SDCCAG8: variants seen among roughly 807,000 people sequenced by gnomAD.
The protein encoded by SDCCAG8 is serologically defined colon cancer antigen 8.
SDCCAG8 carries 74 observed loss-of-function variants against 101.8 expected under a neutral mutation model. The ratio of observed to expected loss-of-function variants is 0.73; its 90% CI spans 0.60 to 0.88. The LOEUF is 0.88. Among genes scored for constraint, SDCCAG8 ranks in the 40% least tolerant of loss-of-function variants. The probability of loss-of-function intolerance (pLI) is 0.00; values close to 1 mark genes in which losing one functional copy is unlikely to be tolerated. For missense variants in SDCCAG8, 787 were observed against 822.6 expected, an observed-to-expected ratio of 0.96 and a Z score of 0.53; for synonymous variants, 281 against 292.9, an observed-to-expected ratio of 0.96 and a Z score of 0.41.
chr1:243,332,766 G>T lies in SDCCAG8; in HGVS notation c.1221+2074G>T, dbSNP rs905485386. Among the ~76,000 whole-genome samples the T allele has an allele frequency of 4.0e-5, 6 of 151,632 alleles. No individual in the cohort carries two copies. In the South Asian group the frequency reaches 1.0e-3, roughly 26 times the overall value. On this transcript the variant is annotated intron_variant, in intron 10 of 17. Coordinates refer to ENST00000366541, the MANE Select transcript of SDCCAG8 (RefSeq NM_006642.5). The stretch of plus-strand genomic sequence containing the variant: ...TCTGGAGGTGATTATTGTGGTCCGG[G>T]TCTGGAGGTGATTATCGTGGTCCCG...
intron 8 of SDCCAG8, among the ~76,000 whole-genome samples, chr1:243,311,613 G>C (rs1172515345): frequency 6.6e-6 from 1 of 151,940 alleles, no homozygotes; most frequent in South Asian, 2.1e-4. Flanking sequence ...TTAAAACTAG[G>C]TAGTCTAGCA....
chr1:243,299,264 T>C (rs1262474137), intron 6 of SDCCAG8, among the ~76,000 whole-genome samples: 1 of 152,240 alleles, frequency 6.6e-6, no homozygotes, highest in Non-Finnish European at 1.5e-5. Context: ...TCAATGTCAC[T>C]TTCTTTTGAT....
intron 13 of SDCCAG8, among the ~76,000 whole-genome samples, chr1:243,380,479 G>A (rs902312237): frequency 1.3e-5 from 2 of 152,058 alleles, no homozygotes; most frequent in Non-Finnish European, 2.9e-5. Context: ...TGCCCCTTTT[G>A]CCATTCTGTC....
At chr1:243,410,779 C>T (rs771521462) in intron 13 of SDCCAG8, among the ~76,000 whole-genome samples, 15 of 152,038 alleles carry the variant, frequency 9.9e-5, no homozygotes, top group Non-Finnish European at 2.2e-4. Flanking sequence ...AAATAATAAA[C>T]GATATGAAAA....
At chr1:243,397,957 C>G (rs2079129053) in intron 13 of SDCCAG8, among the ~76,000 whole-genome samples, 1 of 152,218 alleles carries the variant, frequency 6.6e-6, no homozygotes, top group Admixed American at 6.5e-5. Context: ...CTTATGTGGG[C>G]CCTTGTCTAC....
At chr1:243,282,971 C>T (rs1038580430) in intron 4 of SDCCAG8, among the ~76,000 whole-genome samples, 3 of 151,964 alleles carry the variant, frequency 2.0e-5, no homozygotes, top group Admixed American at 6.6e-5. Flanking sequence ...CTCAGCCTCC[C>T]GAGTAGCTGG....
At chr1:243,353,930 T>C (rs1180990824) in intron 12 of SDCCAG8, among the ~76,000 whole-genome samples, 1 of 152,176 alleles carries the variant, frequency 6.6e-6, no homozygotes, top group African/African-American at 2.4e-5. Context: ...TTATTTACAG[T>C]GTTAGAGTCA....
intron 1 of SDCCAG8, among the ~76,000 whole-genome samples, chr1:243,268,942 C>A (rs1000166694): frequency 2.0e-5 from 3 of 149,484 alleles, no homozygotes; most frequent in African/African-American, 7.4e-5. Context: ...TTTTCTCTTT[C>A]TTCGTGCCTC....
intron 11 of SDCCAG8, among the ~76,000 whole-genome samples, chr1:243,343,044 C>T (rs147358806): frequency 3.3e-5 from 5 of 152,308 alleles, no homozygotes; most frequent in Admixed American, 6.5e-5. Flanking sequence ...ACACTGCAGT[C>T]CTGAGCTCCT....
Position 243,274,606 on chromosome 1 carries a change from G to T in SDCCAG8, c.370G>T (p.Asp124Tyr). The T allele has an allele frequency of 1.9e-6, 3 of 1,611,694 alleles. No homozygotes were observed. Among genetic ancestry groups the T allele is most frequent in the South Asian group, 2.2e-5 (2 of 90,818 alleles). The change falls in exon 4 of 18, where the codon GAC becomes TAC. Residue 124 changes from aspartate to tyrosine, a missense_variant. Coordinates refer to ENST00000366541, the MANE Select transcript of SDCCAG8 (RefSeq NM_006642.5). ...GCACGACCTTGTTCATACTATTAATGACCAGTCTCAATATATTCATCATTT... is the reference window on the plus strand; with the variant it reads ...GCACGACCTTGTTCATACTATTAATTACCAGTCTCAATATATTCATCATTT... ...TMHDLVHTIN[D>Y]QSQYIHHLEA...
rs141834010 is a variant in SDCCAG8, at chr1:243,291,103, C to T, written c.547-1988C>T. Among the ~76,000 whole-genome samples the T allele has an allele frequency of 3.3e-4, 50 of 152,264 alleles. 1 individual carries two copies. In the East Asian group the frequency reaches 8.3e-3, roughly 25 times the overall value. On this transcript the variant is annotated intron_variant, in intron 5 of 17. Transcript: ENST00000366541. Reference sequence around the variant, plus strand: ...TAGTTTACCACGTTCGAGCATGATGCGACACTGCAGTATGGGTCAGTGTCT... The same window carrying T: ...TAGTTTACCACGTTCGAGCATGATGTGACACTGCAGTATGGGTCAGTGTCT...
chr1:243,341,311 A>G (rs2075370053), intron 11 of SDCCAG8, 138 bp downstream of exon 11: 2 of 843,614 alleles, frequency 2.4e-6, no homozygotes, highest in Non-Finnish European at 3.7e-6. Flanking sequence ...AGAATAATAA[A>G]AGGCCACCTA....
intron 17 of SDCCAG8, among the ~76,000 whole-genome samples, chr1:243,498,323 T>C (rs1350495900): frequency 2.0e-5 from 3 of 152,178 alleles, no homozygotes; most frequent in African/African-American, 4.8e-5. Context: ...TAGGGCATAG[T>C]GCATGGGGTG....
At chr1:243,354,416 A>G (rs192270626) in intron 12 of SDCCAG8, among the ~76,000 whole-genome samples, 31 of 152,346 alleles carry the variant, frequency 2.0e-4, no homozygotes, top group Admixed American at 1.2e-3. Context: ...ATGATTGGTA[A>G]TAGAACAATA....
intron 2 of SDCCAG8, 98 bp downstream of exon 2, chr1:243,270,355 A>T: frequency 9.0e-7 from 1 of 1,105,528 alleles, no homozygotes; most frequent in Non-Finnish European, 1.3e-6. Flanking sequence ...TGCTGCTATG[A>T]TGTTATTCCT....
chr1:243,265,548 C>T (rs1177187291), intron 1 of SDCCAG8, among the ~76,000 whole-genome samples: 5 of 152,234 alleles, frequency 3.3e-5, no homozygotes, highest in Non-Finnish European at 5.9e-5. Context: ...CATGGTGGCT[C>T]ACTCCTGTAA....
rs370361491 is a variant in SDCCAG8, at chr1:243,270,260, G to A, written c.220+3G>A. On this transcript the variant is annotated splice_donor_region_variant and intron_variant, in intron 2 of 17. Transcript: ENST00000366541. ...CGAATTACAACAGAGCCATGCTGGT[G>A]AGTGTGAATGTCAATCCTAGTCTGA... is the stretch of plus-strand genomic sequence containing the variant. 2.2e-5 allele frequency: 36 copies of A among 1,613,760 alleles called. No individual in the cohort carries two copies. The highest frequency in any genetic ancestry group is 3.1e-5 in the Non-Finnish European group (36 of 1,179,870).
At position 243,425,857 on chromosome 1, in the gene SDCCAG8, A is replaced by G. The variant is rs535327002; in HGVS notation, c.1854-570A>G. Reference sequence around the variant, plus strand: ...ATAAAGCCTGCCTGCATGGACGGCAATCTGCTTTTCTCAAAGTTTACTAAT... The same window carrying G: ...ATAAAGCCTGCCTGCATGGACGGCAGTCTGCTTTTCTCAAAGTTTACTAAT... On this transcript the variant is annotated intron_variant, in intron 15 of 17. Transcript: ENST00000366541. Among the ~76,000 whole-genome samples, 8 of 152,294 alleles carry G rather than the reference A, an allele frequency of 5.3e-5. No individual in the cohort carries two copies. The East Asian group carries it at 1.5e-3, about 29-fold the overall frequency.
chr1:243,490,913 C>T (rs1313807636), intron 17 of SDCCAG8, among the ~76,000 whole-genome samples: 2 of 152,240 alleles, frequency 1.3e-5, no homozygotes, highest in African/African-American at 4.8e-5. Context: ...TAGGCCTGGC[C>T]AGCCAAAGAT....
Sources: allele counts gnomAD v4.1 joint callset (sites outside exome capture counted in the v4.1 genomes callset), GRCh38; gene constraint gnomAD v4.1.1; transcripts MANE v1.5; gene names NCBI Gene and HGNC (gene_info 2026-07-23, HGNC 2026-07-21).